The following NAALADL2 variants were observed in gnomAD, a reference collection of about 807,000 sequenced individuals.
NAALADL2 encodes the protein N-acetylated alpha-linked acidic dipeptidase like 2.
In NAALADL2, 76 loss-of-function variants were observed where a neutral mutation model predicts 87.2. The ratio of observed to expected loss-of-function variants is 0.87; its 90% confidence interval spans 0.72 to 1.05. The LOEUF is 1.05. Ranked by LOEUF, NAALADL2 falls within the 50% of genes least tolerant of loss-of-function variation. The pLI is 0.00. For missense variants in NAALADL2, 1,089 were observed against 945.8 expected, an observed-to-expected ratio of 1.15 and a Z score of -1.99; for synonymous variants, 354 against 331.0, an observed-to-expected ratio of 1.07 and a Z score of -0.75.
rs143320077 is a variant in NAALADL2, at chr3:175,015,388, G to A, written c.44-81402G>A. On this transcript the variant is annotated intron_variant, in intron 1 of 13. Coordinates refer to ENST00000454872, the MANE Select transcript of NAALADL2 (RefSeq NM_207015.3). The stretch of plus-strand genomic sequence containing the variant: ...AAAAGTACTTGAACATTAGGGAAAA[G>A]CCTGTTCTGCCATTAGAGAAGTGCA... Among the ~76,000 whole-genome samples the A allele has an allele frequency of 4.6e-5, 7 of 152,222 alleles. No individual in the cohort carries two copies. In the East Asian group the frequency reaches 1.2e-3, roughly 25 times the overall value.
intron 1 of NAALADL2, among the ~76,000 whole-genome samples, chr3:174,871,758 G>C (rs951469653): frequency 1.3e-5 from 2 of 152,128 alleles, no homozygotes; most frequent in African/African-American, 4.8e-5. Context: ...AGTTAGCTGG[G>C]CGTGGTGGTG....
intron 3 of NAALADL2, among the ~76,000 whole-genome samples, chr3:174,743,091 T>C (rs1387970429): frequency 2.0e-5 from 3 of 151,832 alleles, no homozygotes; most frequent in African/African-American, 7.2e-5. Flanking sequence ...TCTGATGTGA[T>C]AACATCAAAG....
At chr3:174,640,863 C>T (rs1228107410) in intron 2 of NAALADL2, among the ~76,000 whole-genome samples, 1 of 152,182 alleles carries the variant, frequency 6.6e-6, no homozygotes, top group South Asian at 2.1e-4. Flanking sequence ...AGAGCATGGA[C>T]TCCGGTTTCA....
At chr3:175,016,790 A>G (rs552618113) in intron 1 of NAALADL2, among the ~76,000 whole-genome samples, 6 of 151,828 alleles carry the variant, frequency 4.0e-5, no homozygotes, top group Non-Finnish European at 8.8e-5. Flanking sequence ...TTTATCTTTT[A>G]TTGATACATA....
chr3:175,051,865 C>A (rs759653024), intron 1 of NAALADL2, among the ~76,000 whole-genome samples: 1 of 152,140 alleles, frequency 6.6e-6, no homozygotes, highest in Non-Finnish European at 1.5e-5. Flanking sequence ...ACCAACTGAA[C>A]ACATAAAGAG....
intron 11 of NAALADL2, among the ~76,000 whole-genome samples, chr3:175,690,457 T>C (rs1736899373): frequency 6.6e-6 from 1 of 152,060 alleles, no homozygotes; most frequent in Non-Finnish European, 1.5e-5. Flanking sequence ...TTAAGATCAC[T>C]CCAAATTTTA....
chr3:174,749,827 A>G (rs926809977), intron 3 of NAALADL2, among the ~76,000 whole-genome samples: 4 of 152,186 alleles, frequency 2.6e-5, no homozygotes, highest in African/African-American at 7.2e-5. Context: ...TGCTTAAAAT[A>G]TATTTTCTGT....
intron 2 of NAALADL2, among the ~76,000 whole-genome samples, chr3:174,593,568 A>G (rs1403400361): frequency 7.2e-6 from 1 of 139,054 alleles, no homozygotes; most frequent in Admixed American, 8.0e-5. Flanking sequence ...AAAACAAGGG[A>G]GAAAGCTGAT....
At chr3:175,690,404 G>A (rs1736893499) in intron 11 of NAALADL2, among the ~76,000 whole-genome samples, 1 of 151,984 alleles carries the variant, frequency 6.6e-6, no homozygotes, top group South Asian at 2.1e-4. Context: ...CTATCATAAG[G>A]CAAACATGAG....
chr3:174,801,642 C>G (rs73050169), intron 3 of NAALADL2, among the ~76,000 whole-genome samples: 1 of 151,990 alleles, frequency 6.6e-6, no homozygotes, highest in African/African-American at 2.4e-5. Context: ...CATAGATGCC[C>G]TTTATCAATT....
At chr3:175,285,322 C>T (rs569554522) in intron 4 of NAALADL2, among the ~76,000 whole-genome samples, 47 of 152,242 alleles carry the variant, frequency 3.1e-4, no homozygotes, top group South Asian at 1.0e-3. Flanking sequence ...GCACAGAATA[C>T]TTCATAATAG....
intron 9 of NAALADL2, among the ~76,000 whole-genome samples, chr3:175,563,119 A>G (rs1039308756): frequency 6.6e-6 from 1 of 152,154 alleles, no homozygotes; most frequent in Non-Finnish European, 1.5e-5. Flanking sequence ...TATTATGAAC[A>G]TATTCCCTTT....
At chr3:175,761,474 G>T (rs1747998511) in intron 13 of NAALADL2, among the ~76,000 whole-genome samples, 1 of 152,136 alleles carries the variant, frequency 6.6e-6, no homozygotes. Context: ...TTTGGTGCAG[G>T]CTTTTTTGTG....
intron 1 of NAALADL2, among the ~76,000 whole-genome samples, chr3:174,547,980 C>T (rs1469084036): frequency 6.6e-6 from 1 of 152,152 alleles, no homozygotes; most frequent in African/African-American, 2.4e-5. Context: ...AAGGAACCAC[C>T]TTTATAAATT....
rs542325500 is a variant in NAALADL2, at chr3:175,014,799, C to T, written c.44-81991C>T. Among the ~76,000 whole-genome samples the T allele has an allele frequency of 2.8e-3, 432 of 152,108 alleles. 1 individual carries two copies. The highest frequency in any genetic ancestry group is 9.8e-3 in the African/African-American group (408 of 41,518). Reference sequence around the variant, plus strand: ...ACTTAAATAATGGAAGTGTAAAATTCATATTGCACATTCTATTTCTCTCTT... The same window carrying T: ...ACTTAAATAATGGAAGTGTAAAATTTATATTGCACATTCTATTTCTCTCTT... On this transcript the variant is annotated intron_variant, in intron 1 of 13. Coordinates refer to ENST00000454872, the MANE Select transcript of NAALADL2 (RefSeq NM_207015.3).
At chr3:175,095,724 A>C (rs78404056) in intron 1 of NAALADL2, among the ~76,000 whole-genome samples, 1,967 of 152,154 alleles carry the variant, frequency 0.013, 33 homozygotes, top group African/African-American at 0.043. Flanking sequence ...CAATTAGCTT[A>C]TCAGTTATCA....
rs1156600078 is a variant in NAALADL2 at position 174,602,540 on chromosome 3, GATAAT to G, written c.-115+51909_-115+51913del. Among the ~76,000 whole-genome samples, 6 of 150,860 alleles carry G rather than the reference GATAAT, an allele frequency of 4.0e-5. No homozygotes were observed. In the East Asian group the frequency reaches 1.2e-3, roughly 29 times the overall value. ...AGTCTGTAGGTTTTTCCAAATATAG[GATAAT>G]ATAATTTGAAAATTATATTTCAAAT... On this transcript the variant is annotated intron_variant, in intron 2 of 3. Coordinates refer to the NAALADL2 transcript ENST00000434257.
chr3:175,747,195 C>T (rs182571679), intron 12 of NAALADL2, among the ~76,000 whole-genome samples: 10 of 152,272 alleles, frequency 6.6e-5, no homozygotes, highest in Non-Finnish European at 1.0e-4. Context: ...TAATTATTAT[C>T]CTAAGCACAT....
chr3:174,719,257 C>A (rs1303259301), intron 2 of NAALADL2, among the ~76,000 whole-genome samples: 5 of 152,142 alleles, frequency 3.3e-5, no homozygotes, highest in Admixed American at 2.0e-4. Flanking sequence ...AGTTGACATG[C>A]ATCAACTTTC....
Sources: allele counts gnomAD v4.1 joint callset (sites outside exome capture counted in the v4.1 genomes callset), GRCh38; gene constraint gnomAD v4.1.1; transcripts MANE v1.5; gene names NCBI Gene and HGNC (gene_info 2026-07-23, HGNC 2026-07-21).